Variants in DENND1A observed in about 807,000 individuals in gnomAD.
The protein encoded by DENND1A is DENN domain-containing protein 1A.
In DENND1A, 51 loss-of-function variants were observed where a neutral mutation model predicts 113.7. The ratio of observed to expected loss-of-function variants is 0.45; its 90% CI spans 0.36 to 0.57. The LOEUF (loss-of-function observed/expected upper bound fraction) is 0.57, where lower values mean the gene tolerates loss of function less well. Ranked by LOEUF, DENND1A falls within the 20% of genes least tolerant of loss-of-function variation. The pLI, the probability that DENND1A is intolerant of heterozygous loss-of-function variation, is 0.00. For missense variants in DENND1A, 1,258 were observed against 1,395.9 expected, an observed-to-expected ratio of 0.90 and a Z score of 1.57; for synonymous variants, 565 against 570.8, an observed-to-expected ratio of 0.99 and a Z score of 0.14.
chr9:123,861,103 A>C (rs16926922), intron 2 of DENND1A, among the ~76,000 whole-genome samples: 15,743 of 152,142 alleles, frequency 0.1, 972 homozygotes, highest in Admixed American at 0.13. Flanking sequence ...CTTGGAAGGG[A>C]TCTTAAGGTA....
chr9:123,763,441 C>T (rs2071212423), intron 4 of DENND1A, among the ~76,000 whole-genome samples: 1 of 152,046 alleles, frequency 6.6e-6, no homozygotes, highest in African/African-American at 2.4e-5. Flanking sequence ...GGGGAAGATC[C>T]AAGAGTTCCA....
intron 1 of DENND1A, among the ~76,000 whole-genome samples, chr9:123,883,370 T>C (rs1161244691): frequency 6.6e-6 from 1 of 152,194 alleles, no homozygotes; most frequent in Non-Finnish European, 1.5e-5. Context: ...AGAGTTGCCT[T>C]CCTGAGGTCT....
intron 1 of DENND1A, among the ~76,000 whole-genome samples, chr9:123,894,579 G>A (rs1232192800): frequency 4.6e-5 from 7 of 152,312 alleles, no homozygotes; most frequent in Admixed American, 3.3e-4. Context: ...GATTATCAGC[G>A]GATAGGATGC....
At chr9:123,734,018 C>G (rs2068378721) in intron 5 of DENND1A, among the ~76,000 whole-genome samples, 1 of 152,028 alleles carries the variant, frequency 6.6e-6, no homozygotes, top group South Asian at 2.1e-4. Context: ...GGCTAGAGTA[C>G]AGAGAGGCAC....
intron 5 of DENND1A, among the ~76,000 whole-genome samples, chr9:123,696,024 G>C (rs2065497576): frequency 6.7e-6 from 1 of 148,528 alleles, no homozygotes; most frequent in Admixed American, 6.7e-5. Context: ...TGGCACCTTT[G>C]TCTGGGTCCG....
chr9:123,839,937 G>C (rs974154175), intron 2 of DENND1A, among the ~76,000 whole-genome samples: 2 of 151,978 alleles, frequency 1.3e-5, no homozygotes, highest in African/African-American at 4.8e-5. Flanking sequence ...AATAAATGTA[G>C]GACACTGGTT....
intron 15 of DENND1A, among the ~76,000 whole-genome samples, chr9:123,456,460 C>T (rs1052040899): frequency 6.6e-6 from 1 of 152,150 alleles, no homozygotes; most frequent in Non-Finnish European, 1.5e-5. Context: ...GAAGACAAGA[C>T]CTTCAGTTCT....
At chr9:123,569,441 T>A (rs2058236100) in intron 12 of DENND1A, 2 of 152,228 alleles carry the variant, frequency 1.3e-5, no homozygotes, top group African/African-American at 4.8e-5. Context: ...AAGCTTGGAA[T>A]TGTGGTTTAT....
chr9:123,518,388 G>A (rs754602161), intron 13 of DENND1A, among the ~76,000 whole-genome samples: 24 of 152,082 alleles, frequency 1.6e-4, no homozygotes, highest in African/African-American at 2.2e-4. Context: ...ATATTCCCAC[G>A]GAGACAGCAG....
At chr9:123,886,175 G>GT (rs749517061) in intron 1 of DENND1A, among the ~76,000 whole-genome samples, 55 of 151,730 alleles carry the variant, frequency 3.6e-4, no homozygotes, top group Non-Finnish European at 6.9e-4. Context: ...GCTTAATGGC[G>GT]TTTTTTGTTT....
chr9:123,745,849 A>G (rs754045469), intron 5 of DENND1A, among the ~76,000 whole-genome samples: 1 of 152,240 alleles, frequency 6.6e-6, no homozygotes, highest in Non-Finnish European at 1.5e-5. Context: ...TCATCATACA[A>G]CACAGAACAC....
At chr9:123,522,038 A>G (rs906249432) in intron 13 of DENND1A, among the ~76,000 whole-genome samples, 3 of 152,196 alleles carry the variant, frequency 2.0e-5, no homozygotes, top group African/African-American at 7.2e-5. Context: ...CTCAGTACAC[A>G]ATGAATGGGG....
At chr9:123,742,290 G>A (rs57261411) in intron 5 of DENND1A, among the ~76,000 whole-genome samples, 8,861 of 151,774 alleles carry the variant, frequency 0.058, 373 homozygotes, top group Middle Eastern at 0.12. Flanking sequence ...TCACTGACTA[G>A]AGTTTTCAAG....
chr9:123,542,644 T>C lies in DENND1A; in HGVS notation c.993+14926A>G, dbSNP rs2056371940. The stretch of plus-strand genomic sequence containing the variant: ...GCCCATGCAAGGCACCAGCGAGAGA[T>C]TAGGAGGAGGAAAGTGGAAGGGAAA... On this transcript the variant is annotated intron_variant, in intron 13 of 23. Coordinates refer to ENST00000394215, the MANE Select transcript of DENND1A (RefSeq NM_001352964.2). Among the ~76,000 whole-genome samples, 3 of 151,996 alleles carry C rather than the reference T, an allele frequency of 2.0e-5. No individual in the cohort carries two copies. In the South Asian group the frequency reaches 6.3e-4, roughly 32 times the overall value.
chr9:123,651,078 T>A (rs2062623912), intron 9 of DENND1A, among the ~76,000 whole-genome samples: 2 of 151,916 alleles, frequency 1.3e-5, no homozygotes, highest in South Asian at 4.1e-4. Flanking sequence ...CTTAAGAATT[T>A]TCATAAAAAA....
At chr9:123,516,826 G>C (rs150159926) in intron 13 of DENND1A, among the ~76,000 whole-genome samples, 1 of 135,288 alleles carries the variant, frequency 7.4e-6, no homozygotes, top group African/African-American at 2.9e-5. Context: ...AGAAGTTGCA[G>C]TGAGTTGAGA....
intron 13 of DENND1A, among the ~76,000 whole-genome samples, chr9:123,482,647 C>T (rs577768713): frequency 1.3e-5 from 2 of 152,338 alleles, no homozygotes; most frequent in African/African-American, 4.8e-5. Flanking sequence ...TGAGGATAGT[C>T]AAGCAGCCCC....
chr9:123,459,332 C>T (rs1399024512), intron 13 of DENND1A, among the ~76,000 whole-genome samples: 1 of 152,222 alleles, frequency 6.6e-6, no homozygotes, highest in African/African-American at 2.4e-5. Flanking sequence ...TTTGCAGTCC[C>T]TAGGCCACTG....
chr9:123,582,992 C>G (rs1238848221), intron 12 of DENND1A, among the ~76,000 whole-genome samples, 177 bp downstream of exon 12: 2 of 152,224 alleles, frequency 1.3e-5, no homozygotes, highest in Admixed American at 6.5e-5. Context: ...AGCCACCATG[C>G]CTGGCCACCT....
Sources: allele counts gnomAD v4.1 joint callset (sites outside exome capture counted in the v4.1 genomes callset), GRCh38; gene constraint gnomAD v4.1.1; transcripts MANE v1.5; gene names NCBI Gene and HGNC (gene_info 2026-07-23, HGNC 2026-07-21).